CEACAM20: variants seen among roughly 807,000 people sequenced by gnomAD.
CEACAM20 encodes CEA cell adhesion molecule 20.
CEACAM20 carries 50 observed loss-of-function variants against 61.2 expected under a neutral mutation model. The ratio of observed to expected loss-of-function variants is 0.82; its 90% confidence interval spans 0.65 to 1.03. The LOEUF (loss-of-function observed/expected upper bound fraction) is 1.03, where lower values mean the gene tolerates loss of function less well. CEACAM20 is among the 50% of genes least tolerant of loss of function. CEACAM20 has a pLI of 0.00. For synonymous variants in CEACAM20, 282 were observed against 287.7 expected (o/e 0.98, Z 0.20); for missense variants, 683 against 736.4 (o/e 0.93, Z 0.84).
chr19:44,529,598 TC>T lies in CEACAM20; in HGVS notation c.-90del. 2 of 1,082,566 alleles carry T rather than the reference TC, an allele frequency of 1.8e-6. No homozygotes were observed. Among genetic ancestry groups the T allele is most frequent in the Non-Finnish European group, 2.8e-6 (2 of 715,424 alleles). The allele number at this position is 1,082,566 out of a possible 1,614,324, so 67.1% of individuals were successfully genotyped here. A position where few individuals can be genotyped will look rare whatever the true frequency, so the allele number is the denominator to read the frequency against. On this transcript the variant is annotated 5_prime_UTR_variant, in exon 1 of 12. Coordinates refer to ENST00000614924, the MANE Select transcript of CEACAM20 (RefSeq NM_001102597.3). ...CAGTCCTCACTCCAGGTGCAGCCCC[TC>T]CACCTCCCTTCTCTCCTCTCCCACC...
In CEACAM20 at chr19:44,525,243, G is replaced by A. The variant is rs374752701; in HGVS notation, c.54C>T (p.Ala18=). The change falls in exon 2 of 12, where the codon GCC becomes GCT. Residue 18 remains alanine, a splice_region_variant and synonymous_variant. Coordinates refer to ENST00000614924, the MANE Select transcript of CEACAM20 (RefSeq NM_001102597.3). The part of the protein sequence containing the change: ...GHHWMGILLS[A]SLCTVWSPPA... ...GAGGACTCCATACGGTACAAAGCGA[G>A]GCTACAAGGGGAGAGAGGAGGCATT... 2.0e-5 allele frequency: 32 copies of A among 1,574,856 alleles called. No homozygotes were observed. The African/African-American group carries it at 2.8e-4, about 14-fold the overall frequency.
chr19:44,511,944 C>A, intron 9 of CEACAM20, 73 bp downstream of exon 9: 1 of 1,397,302 alleles, frequency 7.2e-7, no homozygotes. Context: ...CATGCCAGCC[C>A]CCACCCTAAG....
chr19:44,511,560 A>T, intron 10 of CEACAM20, 77 bp downstream of exon 10: 1 of 1,372,170 alleles, frequency 7.3e-7, no homozygotes, highest in Non-Finnish European at 1.0e-6. Context: ...ATGATCTCTC[A>T]GGCTTATCAC....
chr19:44,513,333 C>T (rs1335200208), intron 6 of CEACAM20, 44 bp from the exon 7 acceptor site: 23 of 1,325,436 alleles, frequency 1.7e-5, no homozygotes, highest in Non-Finnish European at 2.4e-5. Context: ...GACACACCCT[C>T]ATCCCTGCTC....
intron 5 of CEACAM20, among the ~76,000 whole-genome samples, chr19:44,519,962 A>T (rs977456450): frequency 1.3e-5 from 2 of 152,134 alleles, no homozygotes; most frequent in Non-Finnish European, 2.9e-5. Context: ...AGGTGCTTCC[A>T]TTCAAGTCTC....
At chr19:44,519,660 T>G (rs540189879) in intron 5 of CEACAM20, among the ~76,000 whole-genome samples, 3 of 152,272 alleles carry the variant, frequency 2.0e-5, no homozygotes, top group African/African-American at 7.2e-5. Context: ...TCAAAATACA[T>G]CCACAGTGCA....
chr19:44,506,217 G>A lies in CEACAM20; in HGVS notation c.1738-3C>T, dbSNP rs1490518984. The A allele has an allele frequency of 1.2e-6, 2 of 1,613,464 alleles. No homozygotes were observed. The highest frequency in any genetic ancestry group is 1.7e-6 in the Non-Finnish European group (2 of 1,179,572). On this transcript the variant is annotated splice_region_variant and splice_polypyrimidine_tract_variant and intron_variant, in intron 11 of 11. Coordinates refer to ENST00000614924, the MANE Select transcript of CEACAM20 (RefSeq NM_001102597.3). ...TTGGGCTCTGGATTCACAAGCTCCT[G>A]TTAAACAAAGAGAAAATGTGAGCTC...
intron 1 of CEACAM20, among the ~76,000 whole-genome samples, chr19:44,528,952 CTTTCTTTTTTT>C (rs1470484443): frequency 9.0e-6 from 1 of 111,046 alleles, no homozygotes; most frequent in African/African-American, 3.7e-5. Context: ...TTCTCTCTTT[CTTTCTTTTTTT>C]TTTTTTTTTT....
At chr19:44,512,996 G>A (rs771722563) in intron 7 of CEACAM20, 43 bp from the exon 8 acceptor site, 2 of 1,527,238 alleles carry the variant, frequency 1.3e-6, no homozygotes, top group Non-Finnish European at 1.8e-6. Flanking sequence ...TCTAGTCCTT[G>A]CCCATCTCCA....
At position 44,529,538 on chromosome 19, in the gene CEACAM20, A is replaced by C; in HGVS notation, c.-29T>G. On this transcript the variant is annotated 5_prime_UTR_variant, in exon 1 of 12. Coordinates refer to ENST00000614924, the MANE Select transcript of CEACAM20 (RefSeq NM_001102597.3). ...TCCCGGCACCTGACTTCAGTGTGCC[A>C]GGCCGTCTGTCGCCCCGGCTTGCAC... The C allele has an allele frequency of 6.2e-7, 1 of 1,611,490 alleles. No individual in the cohort carries two copies. Among genetic ancestry groups the C allele is most frequent in the Non-Finnish European group, 8.5e-7 (1 of 1,177,814 alleles).
At chr19:44,525,268 T>C in intron 1 of CEACAM20, 24 bp from the exon 2 acceptor site, 1 of 1,556,218 alleles carries the variant, frequency 6.4e-7, no homozygotes, top group Non-Finnish European at 8.7e-7. Context: ...GAGGAGGCAT[T>C]CAGGGAGGGA....
rs115699318 is a variant in CEACAM20 at position 44,511,011 on chromosome 19, C to T, written c.1737+19G>A. ...ACAGATTTCCACCTGTCCAAAGACT[C>T]AGTGTGGCATAAACATACCTCATAG... On this transcript the variant is annotated intron_variant, in intron 11 of 11. Transcript: ENST00000614924. 1,776 of 1,613,618 alleles carry T rather than the reference C, an allele frequency of 1.1e-3. 20 individuals carry two copies. The African/African-American group carries it at 0.021, about 19-fold the overall frequency.
intron 6 of CEACAM20, 115 bp from the exon 7 acceptor site, chr19:44,513,404 C>T: frequency 3.0e-6 from 2 of 660,788 alleles, no homozygotes; most frequent in Admixed American, 2.9e-5. Flanking sequence ...ACTTGTTTTC[C>T]AGTCGTTGGG....
chr19:44,525,936 T>C (rs555664765), intron 1 of CEACAM20, among the ~76,000 whole-genome samples: 60 of 152,254 alleles, frequency 3.9e-4, no homozygotes, highest in African/African-American at 1.3e-3. Context: ...GTATTCCACA[T>C]AGAGAAAAAA....
At chr19:44,512,593 A>G (rs940851372) in intron 8 of CEACAM20, among the ~76,000 whole-genome samples, 2 of 152,216 alleles carry the variant, frequency 1.3e-5, no homozygotes, top group Admixed American at 6.5e-5. Context: ...CATTCTGTCT[A>G]CAACAATCAG....
In CEACAM20 at chr19:44,511,155, T is replaced by C; in HGVS notation, c.1612A>G (p.Thr538Ala). The C allele has an allele frequency of 1.2e-6, 2 of 1,613,474 alleles. No individual in the cohort carries two copies. Among genetic ancestry groups the C allele is most frequent in the Non-Finnish European group, 1.7e-6 (2 of 1,179,736 alleles). ...CTACGGCTTGCTGAAGGCAGCTTCG[T>C]CTGCAAGTAAGCAGAGAAATTAGGC... The part of the protein sequence containing the change: ...PPDLPEETYE[T>A]KLPSASRRGN... The change falls in exon 11 of 12, where the codon ACG (threonine) becomes GCG (alanine). Residue 538 changes from threonine to alanine, a missense_variant and splice_region_variant. By Grantham distance (58) the Thr-to-Ala change is moderately conservative. Transcript: ENST00000614924.
rs554969569 is a variant in CEACAM20 at position 44,524,429 on chromosome 19, T to G, written c.197-168A>C. On this transcript the variant is annotated intron_variant, in intron 2 of 11. Transcript: ENST00000614924. ...CTGGATCTACTGCTCATTCTTGGTGTCATCTTCGGCAAGTTACTTCCCCTC... is the reference window on the plus strand; with the variant it reads ...CTGGATCTACTGCTCATTCTTGGTGGCATCTTCGGCAAGTTACTTCCCCTC... 6.8e-4 allele frequency among the ~76,000 whole-genome samples: 103 copies of G among 152,108 alleles called. 1 individual carries two copies. The highest frequency in any genetic ancestry group is 1.2e-3 in the Admixed American group (19 of 15,272).
rs559767651 is a variant in CEACAM20 at position 44,511,367 on chromosome 19, C to T, written c.1612-212G>A. The stretch of plus-strand genomic sequence containing the variant: ...GATCTGCAACCTCTACTCCCAGCCT[C>T]CTTTTCACCCCAGCATGTGCTGGTC... On this transcript the variant is annotated intron_variant, in intron 10 of 11. Transcript: ENST00000614924. Among the ~76,000 whole-genome samples, 3 of 152,340 alleles carry T rather than the reference C, an allele frequency of 2.0e-5. No homozygotes were observed. The East Asian group carries it at 5.8e-4, about 29-fold the overall frequency.
chr19:44,520,687 C>T lies in CEACAM20; in HGVS notation c.817G>A (p.Asp273Asn). The part of the protein sequence containing the change: ...LNLVENARSV[D>N]LTCQTVNQSV... ...TGATTGACGGTTTGGCAGGTCAGGT[C>T]CACAGACCTAGCATTCTCCACAAGG... Residue 273 changes from aspartate to asparagine, a missense_variant, in exon 5 of 12, where the codon GAC (aspartate) becomes AAC (asparagine). Asp to Asn is a conservative substitution (Grantham distance 23). Transcript: ENST00000614924. 6.2e-7 allele frequency: 1 copy of T among 1,613,998 alleles called. No homozygotes were observed. Among genetic ancestry groups the T allele is most frequent in the Non-Finnish European group, 8.5e-7 (1 of 1,179,890 alleles).
Sources: allele counts gnomAD v4.1 joint callset (sites outside exome capture counted in the v4.1 genomes callset), GRCh38; gene constraint gnomAD v4.1.1; transcripts MANE v1.5; gene names NCBI Gene and HGNC (gene_info 2026-07-23, HGNC 2026-07-21).